KDM7A: variants seen among roughly 807,000 people sequenced by gnomAD.
The protein encoded by KDM7A is lysine-specific demethylase 7A.
In KDM7A, 28 loss-of-function variants were observed where a neutral mutation model predicts 114.8. That is an observed-to-expected ratio of 0.24 (90% CI 0.18 to 0.33). KDM7A has a LOEUF of 0.33. Ranked by LOEUF, KDM7A falls within the 10% of genes least tolerant of loss-of-function variation. The pLI, the probability that KDM7A is intolerant of heterozygous loss-of-function variation, is 1.00. For synonymous variants in KDM7A, 423 were observed against 397.8 expected, an observed-to-expected ratio of 1.06 and a Z score of -0.75; for missense variants, 942 against 1,142.5, an observed-to-expected ratio of 0.82 and a Z score of 2.53.
At position 140,096,879 on chromosome 7, in the gene KDM7A, A is replaced by C. The variant is rs1475829552; in HGVS notation, c.2165+20T>G. ...TTTACCTTACAATATAATAAGACTT[A>C]CTACTATCAGCAAGCCTACCTTTTA... On this transcript the variant is annotated intron_variant, in intron 16 of 19. Coordinates refer to ENST00000397560, the MANE Select transcript of KDM7A (RefSeq NM_030647.2). 1.2e-6 allele frequency: 2 copies of C among 1,609,942 alleles called. No homozygotes were observed. The highest frequency in any genetic ancestry group is 8.5e-7 in the Non-Finnish European group (1 of 1,176,980).
At chr7:140,091,736 C>T in intron 19 of KDM7A, 68 bp downstream of exon 19, 1 of 1,542,434 alleles carries the variant, frequency 6.5e-7, no homozygotes. Context: ...GAGACTACAC[C>T]TCAACTGCCA....
chr7:140,122,508 T>C (rs1265109791), intron 7 of KDM7A, among the ~76,000 whole-genome samples: 1 of 152,220 alleles, frequency 6.6e-6, no homozygotes, highest in Non-Finnish European at 1.5e-5. Flanking sequence ...ATTCTGGTAG[T>C]TCTAAGGCAT....
At chr7:140,122,682 C>G (rs188305876) in intron 7 of KDM7A, among the ~76,000 whole-genome samples, 5 of 152,308 alleles carry the variant, frequency 3.3e-5, no homozygotes, top group Admixed American at 3.3e-4. Flanking sequence ...ACTCTACATT[C>G]ATTTACATCT....
At chr7:140,151,992 G>A (rs923188792) in intron 1 of KDM7A, among the ~76,000 whole-genome samples, 11 of 152,202 alleles carry the variant, frequency 7.2e-5, no homozygotes, top group Non-Finnish European at 1.3e-4. Flanking sequence ...ACTTAGTGAT[G>A]AATCAACTAC....
Position 140,133,647 on chromosome 7 carries a change from C to CT in KDM7A, c.289dup (p.Arg97LysfsTer8). On this transcript the variant is annotated frameshift_variant, in exon 3 of 20. Coordinates refer to ENST00000397560, the MANE Select transcript of KDM7A (RefSeq NM_030647.2). LOFTEE classifies it high-confidence loss of function. ...GTAGTCATGTCTGTGCCAGTTCCTC[C>CT]TTTTTTTCACTGGATTTTTAAAAGA... 3.2e-6 allele frequency: 5 copies of CT among 1,576,110 alleles called. No individual in the cohort carries two copies. The highest frequency in any genetic ancestry group is 1.7e-5 in the Admixed American group (1 of 57,192).
intron 1 of KDM7A, among the ~76,000 whole-genome samples, chr7:140,142,043 TTA>T (rs1794288663): frequency 6.8e-6 from 1 of 147,474 alleles, no homozygotes; most frequent in African/African-American, 2.5e-5. Context: ...AAAAAGATAT[TTA>T]TATATCATAT....
chr7:140,141,656 G>A (rs1263534400), intron 1 of KDM7A, among the ~76,000 whole-genome samples: 1 of 152,012 alleles, frequency 6.6e-6, no homozygotes, highest in Admixed American at 6.6e-5. Flanking sequence ...CACTCTGGGA[G>A]GCCGAGGTGG....
chr7:140,168,647 T>C (rs1414572459), intron 1 of KDM7A, among the ~76,000 whole-genome samples: 3 of 151,496 alleles, frequency 2.0e-5, no homozygotes, highest in East Asian at 1.9e-4. Context: ...GTAAATGACA[T>C]ACATTAAAGT....
At chr7:140,155,460 A>G (rs1210773533) in intron 1 of KDM7A, among the ~76,000 whole-genome samples, 2 of 152,192 alleles carry the variant, frequency 1.3e-5, no homozygotes, top group Non-Finnish European at 2.9e-5. Context: ...TATTTAAGTG[A>G]TATTTGCCAA....
chr7:140,133,731 G>T, intron 2 of KDM7A, 75 bp from the exon 3 acceptor site: 1 of 761,312 alleles, frequency 1.3e-6, no homozygotes, highest in Middle Eastern at 3.4e-4. Context: ...CATTATATCC[G>T]ACATAATCAG....
intron 3 of KDM7A, among the ~76,000 whole-genome samples, chr7:140,131,992 A>G (rs1818794624): frequency 6.6e-6 from 1 of 152,218 alleles, no homozygotes; most frequent in South Asian, 2.1e-4. Flanking sequence ...GTACAACACT[A>G]TGCATAACAT....
Position 140,176,714 on chromosome 7 carries a change from C to T in KDM7A, c.194+30G>A, listed in dbSNP as rs1794715065. ...GCGGTTGGTCGGTGGCCGGCGGTGG[C>T]GGCTGCGGGGCTGGAGGGGGTTTAT... On this transcript the variant is annotated intron_variant, in intron 1 of 19. Coordinates refer to ENST00000397560, the MANE Select transcript of KDM7A (RefSeq NM_030647.2). The surrounding 1 kb of genome is among the most constrained non-coding windows in gnomAD (Gnocchi z 4.4). The T allele has an allele frequency of 2.6e-5, 32 of 1,223,028 alleles. No homozygotes were observed. Among genetic ancestry groups the T allele is most frequent in the Non-Finnish European group, 3.2e-5 (31 of 956,662 alleles). The allele number at this position is 1,223,028 out of a possible 1,614,324, so 75.8% of individuals were successfully genotyped here. A position where few individuals can be genotyped will look rare whatever the true frequency, so the allele number is the denominator to read the frequency against.
Position 140,113,136 on chromosome 7 carries a change from T to C in KDM7A, c.1338+355A>G, listed in dbSNP as rs7800296. ...GCACCTAGACCTCACACAGTTGGCA[T>C]TGAGGATTAAATGAGATTATGTGTA... On this transcript the variant is annotated intron_variant, in intron 10 of 19. Coordinates refer to ENST00000397560, the MANE Select transcript of KDM7A (RefSeq NM_030647.2). Among the ~76,000 whole-genome samples, 505 of 152,334 alleles carry C rather than the reference T, an allele frequency of 3.3e-3. 3 individuals carry two copies. Among genetic ancestry groups the C allele is most frequent in the African/African-American group, 9.8e-3 (408 of 41,578 alleles).
At chr7:140,100,679 T>TATAC (rs1192609907) in intron 12 of KDM7A, among the ~76,000 whole-genome samples, 5 of 63,994 alleles carry the variant, frequency 7.8e-5, no homozygotes, top group Admixed American at 1.8e-4. Flanking sequence ...TATATATATA[T>TATAC]ACATATATAC....
intron 1 of KDM7A, among the ~76,000 whole-genome samples, chr7:140,167,784 TA>T (rs1361083519): frequency 1.3e-5 from 2 of 151,838 alleles, no homozygotes; most frequent in African/African-American, 4.8e-5. Context: ...ACATATTTCT[TA>T]AAAAAAATTT....
intron 19 of KDM7A, 147 bp from the exon 20 acceptor site, chr7:140,091,335 T>A: frequency 1.5e-6 from 1 of 653,294 alleles, no homozygotes; most frequent in Admixed American, 2.5e-5. Flanking sequence ...CTTCCGCTGT[T>A]TAAAACCCTT....
rs1247173902 is a variant in KDM7A, at chr7:140,098,909, C to T, written c.1888G>A (p.Glu630Lys). 1 of 1,612,600 alleles carries T rather than the reference C, an allele frequency of 6.2e-7. No homozygotes were observed. Among genetic ancestry groups the T allele is most frequent in the African/African-American group, 1.3e-5 (1 of 74,754 alleles). The stretch of plus-strand genomic sequence containing the variant: ...AGTGGTTTTTGAGATTCTTCATGTT[C>T]CACTCCCTCTACTCCTGAACTCTCT... ...IEESSGVEGV[E>K]HEESQKPLNG... is the part of the protein sequence containing the mutation. Residue 630 changes from glutamate (E) to lysine (K), a missense_variant, in exon 14 of 20, where the codon GAA (glutamate) becomes AAA (lysine). By Grantham distance (56) the Glu-to-Lys change is moderately conservative. Around this residue, in one of 4 missense-constraint regions of KDM7A, gnomAD observed 512 missense variants for 576.6 expected, o/e 0.89. Coordinates refer to ENST00000397560, the MANE Select transcript of KDM7A (RefSeq NM_030647.2).
rs376271583 is a variant in KDM7A at position 140,122,468 on chromosome 7, A to G, written c.1052-1939T>C. Among the ~76,000 whole-genome samples, 222 of 152,326 alleles carry G rather than the reference A, an allele frequency of 1.5e-3. 5 individuals carry two copies. The South Asian group carries it at 0.044, about 30-fold the overall frequency. ...CACAATGTGAATGAGCCCATTCACA[A>G]TGAAAATACTGTTACTAATCTAGGC... On this transcript the variant is annotated intron_variant, in intron 7 of 19. Transcript: ENST00000397560.
chr7:140,091,719 G>T (rs1818023828), intron 19 of KDM7A, 85 bp downstream of exon 19: 1 of 1,421,842 alleles, frequency 7.0e-7, no homozygotes, highest in African/African-American at 1.4e-5. Flanking sequence ...TGAACAACTT[G>T]AGTGCAGAGA....
Sources: gnomAD v4.1 joint callset for allele counts (sites outside exome capture counted in the v4.1 genomes callset) on GRCh38, gnomAD v4.1.1 for gene constraint, gnomAD v4.1.1 regional missense constraint, Gnocchi (gnomAD v3.1) non-coding constraint, MANE v1.5 for transcripts, NCBI Gene and HGNC (gene_info 2026-07-23, HGNC 2026-07-21) for gene names.